The following TXK variants were observed in gnomAD, a reference collection of about 807,000 sequenced individuals.
The protein encoded by TXK is tyrosine-protein kinase TXK.
In TXK, 60 loss-of-function variants were observed where a neutral mutation model predicts 81.0. That is an observed-to-expected ratio of 0.74 (90% CI 0.60 to 0.92). TXK has a LOEUF of 0.92. Among genes scored for constraint, TXK ranks in the 40% least tolerant of loss-of-function variants. The probability of loss-of-function intolerance (pLI) is 0.00; values close to 1 mark genes in which losing one functional copy is unlikely to be tolerated. For missense variants in TXK, 581 were observed against 638.3 expected (o/e 0.91, Z 0.97); for synonymous variants, 203 against 210.7 (o/e 0.96, Z 0.32).
chr4:48,078,359 C>T (rs1475944215), intron 11 of TXK, among the ~76,000 whole-genome samples: 1 of 152,156 alleles, frequency 6.6e-6, no homozygotes, highest in Admixed American at 6.5e-5. Context: ...CTCCCTTTTT[C>T]TCCCCAAAAT....
At chr4:48,092,667 T>C (rs1256026231) in intron 8 of TXK, among the ~76,000 whole-genome samples, 1 of 145,908 alleles carries the variant, frequency 6.9e-6, no homozygotes, top group Non-Finnish European at 1.5e-5. Context: ...CTTAAGCATG[T>C]TTATAGGGTT....
chr4:48,069,475 G>A (rs1316669379), intron 14 of TXK, among the ~76,000 whole-genome samples: 3 of 151,566 alleles, frequency 2.0e-5, no homozygotes, highest in Admixed American at 6.6e-5. Flanking sequence ...ACAGGTGCCC[G>A]CCACCATGCC....
intron 4 of TXK, 40 bp from the exon 5 acceptor site, chr4:48,110,643 T>C (rs1468374833): frequency 2.0e-6 from 3 of 1,499,776 alleles, no homozygotes; most frequent in Admixed American, 3.4e-5. Flanking sequence ...ATGCTTGGCA[T>C]GTTTGTGGCA....
rs749976310 is a variant in TXK at position 48,124,935 on chromosome 4, A to G, written c.16+9220T>C. Among the ~76,000 whole-genome samples the G allele has an allele frequency of 1.2e-4, 19 of 152,354 alleles. No homozygotes were observed. In the Middle Eastern group the frequency reaches 0.014, roughly 109 times the overall value. ...ACTGTTCCCTTTTCTTGGAGCAACA[A>G]TGTGATTTTGGGCAATCAAATCTAG... On this transcript the variant is annotated intron_variant, in intron 1 of 14. Coordinates refer to ENST00000264316, the MANE Select transcript of TXK (RefSeq NM_003328.3).
intron 12 of TXK, 60 bp downstream of exon 12, chr4:48,076,342 A>G: frequency 8.0e-7 from 1 of 1,249,748 alleles, no homozygotes; most frequent in Non-Finnish European, 1.1e-6. Context: ...AACAAATGTA[A>G]GATTCCCTCT....
At chr4:48,095,103 A>G (rs910359872) in intron 7 of TXK, 40 bp downstream of exon 7, 2 of 1,442,814 alleles carry the variant, frequency 1.4e-6, no homozygotes, top group Non-Finnish European at 2.0e-6. Flanking sequence ...AGACTGTGCC[A>G]GGGATTATTT....
intron 5 of TXK, among the ~76,000 whole-genome samples, chr4:48,107,316 T>C (rs1439543804): frequency 6.6e-6 from 1 of 151,932 alleles, no homozygotes; most frequent in East Asian, 1.9e-4. Context: ...TAAATCTTTC[T>C]ATGCACAAAG....
At chr4:48,116,798 G>T (rs777860007) in intron 1 of TXK, among the ~76,000 whole-genome samples, 4 of 152,226 alleles carry the variant, frequency 2.6e-5, no homozygotes, top group Non-Finnish European at 5.9e-5. Context: ...GCAGCAAACA[G>T]CAGGCTGGTG....
chr4:48,118,159 T>C (rs1229235407), intron 1 of TXK, among the ~76,000 whole-genome samples: 7 of 152,218 alleles, frequency 4.6e-5, no homozygotes, highest in Non-Finnish European at 1.0e-4. Context: ...CTTTTCCTAA[T>C]GAAGTGAATA....
chr4:48,074,230 C>T (rs1440435863), intron 12 of TXK, among the ~76,000 whole-genome samples, 177 bp from the exon 13 acceptor site: 4 of 152,144 alleles, frequency 2.6e-5, no homozygotes, highest in Non-Finnish European at 4.4e-5. Flanking sequence ...CCTCCCCAAA[C>T]AAAGTCTCAA....
At chr4:48,105,943 T>G (rs1403230207) in intron 5 of TXK, 1 of 152,178 alleles carries the variant, frequency 6.6e-6, no homozygotes, top group Admixed American at 6.5e-5. Flanking sequence ...TAACTAATAC[T>G]GTAAGCTAAA....
Position 48,076,479 on chromosome 4 carries a change from GAA to G in TXK, c.1174-15_1174-14del. On this transcript the variant is annotated splice_polypyrimidine_tract_variant and intron_variant, in intron 11 of 14. Transcript: ENST00000264316. ...AATTCCTTGCCGCCTATGGAAAGAA[GAA>G]AAGAATCCAAGTTTGAATACAAGCT... 1 of 1,604,452 alleles carries G rather than the reference GAA, an allele frequency of 6.2e-7. No homozygotes were observed. Among genetic ancestry groups the G allele is most frequent in the Non-Finnish European group, 8.5e-7 (1 of 1,177,114 alleles).
intron 5 of TXK, 29 bp from the exon 6 acceptor site, chr4:48,104,984 A>AT (rs1207356878): frequency 6.6e-7 from 1 of 1,514,778 alleles, no homozygotes. Context: ...TGATTTTTAA[A>AT]TTTTATATTC....
chr4:48,115,848 C>T (rs1718797321), intron 1 of TXK, among the ~76,000 whole-genome samples: 1 of 151,444 alleles, frequency 6.6e-6, no homozygotes, highest in Admixed American at 6.6e-5. Flanking sequence ...GAGTGAGACT[C>T]TGTCAAAAAA....
intron 10 of TXK, 140 bp from the exon 11 acceptor site, chr4:48,080,268 TAG>T: frequency 1.4e-6 from 1 of 697,678 alleles, no homozygotes; most frequent in East Asian, 2.7e-5. Context: ...ACAGAGGAAG[TAG>T]TTCAGTTTCC....
intron 8 of TXK, 37 bp from the exon 9 acceptor site, chr4:48,089,861 T>G: frequency 6.9e-7 from 1 of 1,439,314 alleles, no homozygotes; most frequent in Non-Finnish European, 9.8e-7. Flanking sequence ...CAAGCCTAGT[T>G]GCTAATATAG....
Position 48,114,374 on chromosome 4 carries a change from G to A in TXK, c.45C>T (p.Cys15=), listed in dbSNP as rs984631111. 3 of 1,613,996 alleles carry A rather than the reference G, an allele frequency of 1.9e-6. No individual in the cohort carries two copies. The African/African-American group carries it at 4.0e-5, about 22-fold the overall frequency. ...SYNTIQSVFC[C]CCCCSVQKRQ... Reference sequence around the variant, plus strand: ...GCTTCTGCACTGAACAGCAACAGCAGCAACAGAAAACCGACTGGATGGTGT... The same window carrying A: ...GCTTCTGCACTGAACAGCAACAGCAACAACAGAAAACCGACTGGATGGTGT... The change falls in exon 2 of 15, where the codon TGC becomes TGT. Residue 15 remains cysteine (C), a synonymous_variant. Transcript: ENST00000264316.
chr4:48,130,382 C>G (rs1484912686), intron 1 of TXK, among the ~76,000 whole-genome samples: 1 of 152,136 alleles, frequency 6.6e-6, no homozygotes, highest in African/African-American at 2.4e-5. Flanking sequence ...CCAACCAGAG[C>G]TGGAGAATAC....
intron 10 of TXK, among the ~76,000 whole-genome samples, chr4:48,085,729 G>A (rs1035013106): frequency 1.3e-5 from 2 of 152,150 alleles, no homozygotes; most frequent in African/African-American, 2.4e-5. Context: ...TAAACATTGA[G>A]AGGAGTTCTG....
Sources: allele counts gnomAD v4.1 joint callset (sites outside exome capture counted in the v4.1 genomes callset), GRCh38; gene constraint gnomAD v4.1.1; transcripts MANE v1.5; gene names NCBI Gene and HGNC (gene_info 2026-07-23, HGNC 2026-07-21).